NXPH2: variants seen among roughly 807,000 people sequenced by gnomAD.
NXPH2 encodes neurexophilin-2.
In NXPH2, 5 loss-of-function variants were observed where a neutral mutation model predicts 19.8. The ratio of observed to expected loss-of-function variants is 0.25; its 90% CI spans 0.13 to 0.53. The LOEUF (loss-of-function observed/expected upper bound fraction) is 0.53. Among genes scored for constraint, NXPH2 ranks in the 20% least tolerant of loss-of-function variants. The pLI is 0.96. For synonymous variants in NXPH2, 154 were observed against 127.4 expected (o/e 1.21, Z -1.41); for missense variants, 289 against 322.8 (o/e 0.90, Z 0.80).
intron 1 of NXPH2, among the ~76,000 whole-genome samples, chr2:138,763,330 A>G (rs181533545): frequency 1.3e-5 from 2 of 152,298 alleles, no homozygotes; most frequent in East Asian, 1.9e-4. Flanking sequence ...ATATTTTTCT[A>G]TCAAAGAACT....
chr2:138,689,922 A>C (rs1051723340), intron 1 of NXPH2, among the ~76,000 whole-genome samples: 1 of 152,188 alleles, frequency 6.6e-6, no homozygotes, highest in Admixed American at 6.5e-5. Context: ...TGGTGGAACA[A>C]ATGGGCCTGT....
chr2:138,750,442 A>G (rs144518622), intron 1 of NXPH2, among the ~76,000 whole-genome samples: 1 of 152,336 alleles, frequency 6.6e-6, no homozygotes, highest in African/African-American at 2.4e-5. Flanking sequence ...AAAACTCATG[A>G]CATTTTAAGA....
chr2:138,678,072 G>T (rs983457540), intron 1 of NXPH2, among the ~76,000 whole-genome samples: 3 of 152,036 alleles, frequency 2.0e-5, no homozygotes, highest in African/African-American at 7.3e-5. Flanking sequence ...ATTAAATTTG[G>T]TCATCACCAA....
At chr2:138,758,114 C>T (rs1415635562) in intron 1 of NXPH2, among the ~76,000 whole-genome samples, 1 of 152,114 alleles carries the variant, frequency 6.6e-6, no homozygotes, top group Non-Finnish European at 1.5e-5. Context: ...AATCCACAGA[C>T]TAAATCTCAT....
intron 1 of NXPH2, among the ~76,000 whole-genome samples, chr2:138,727,241 GC>G (rs2104997303): frequency 6.6e-6 from 1 of 152,280 alleles, no homozygotes; most frequent in South Asian, 2.1e-4. Flanking sequence ...CTGAATCCAT[GC>G]TCAGGCTTTT....
intron 1 of NXPH2, among the ~76,000 whole-genome samples, chr2:138,762,858 G>T (rs1053944404): frequency 2.6e-5 from 4 of 152,312 alleles, no homozygotes; most frequent in African/African-American, 9.6e-5. Flanking sequence ...GAGAAGAGGA[G>T]CTATTCCATA....
At chr2:138,763,300 CT>C (rs2104840158) in intron 1 of NXPH2, among the ~76,000 whole-genome samples, 1 of 152,166 alleles carries the variant, frequency 6.6e-6, no homozygotes, top group African/African-American at 2.4e-5. Flanking sequence ...AAATTATTGA[CT>C]GCCTAAATTC....
intron 1 of NXPH2, among the ~76,000 whole-genome samples, chr2:138,680,717 T>A (rs1210939560): frequency 6.6e-6 from 1 of 152,156 alleles, no homozygotes; most frequent in Non-Finnish European, 1.5e-5. Context: ...ATTAATATCT[T>A]TATTTGGATG....
At chr2:138,694,281 C>T (rs1173753014) in intron 1 of NXPH2, among the ~76,000 whole-genome samples, 4 of 152,160 alleles carry the variant, frequency 2.6e-5, no homozygotes, top group Admixed American at 1.3e-4. Flanking sequence ...TATTTTGCCT[C>T]GGATTTTTCT....
intron 1 of NXPH2, among the ~76,000 whole-genome samples, chr2:138,760,462 C>G (rs572475106): frequency 3.9e-5 from 6 of 152,236 alleles, no homozygotes; most frequent in Non-Finnish European, 8.8e-5. Context: ...AACCATACCT[C>G]ATCCATTGCA....
chr2:138,705,908 T>C (rs13417270), intron 1 of NXPH2, among the ~76,000 whole-genome samples: 4,892 of 152,294 alleles, frequency 0.032, 274 homozygotes, highest in African/African-American at 0.11. Flanking sequence ...TCAATTCTCA[T>C]AACCATCCTG....
intron 1 of NXPH2, among the ~76,000 whole-genome samples, chr2:138,721,159 G>A (rs1341742204): frequency 3.9e-5 from 6 of 152,082 alleles, no homozygotes; most frequent in African/African-American, 1.4e-4. Context: ...GACCAAAATG[G>A]TGAAACCCCC....
At chr2:138,674,323 T>C (rs1680454885) in intron 1 of NXPH2, among the ~76,000 whole-genome samples, 1 of 152,038 alleles carries the variant, frequency 6.6e-6, no homozygotes, top group Admixed American at 6.5e-5. Flanking sequence ...CTGACTAGTT[T>C]TTGTGTTTTT....
intron 1 of NXPH2, among the ~76,000 whole-genome samples, chr2:138,729,719 C>T (rs1395760819): frequency 6.6e-6 from 1 of 152,210 alleles, no homozygotes; most frequent in African/African-American, 2.4e-5. Flanking sequence ...TTCTGAGCTA[C>T]ATTGGCCTTT....
intron 1 of NXPH2, among the ~76,000 whole-genome samples, chr2:138,779,837 G>T (rs950836689): frequency 9.9e-5 from 15 of 152,244 alleles, no homozygotes; most frequent in Admixed American, 8.5e-4. Flanking sequence ...CAGGAGGAAG[G>T]TCTTTCTGCC....
At chr2:138,718,967 T>G (rs1470199497) in intron 1 of NXPH2, among the ~76,000 whole-genome samples, 1 of 149,730 alleles carries the variant, frequency 6.7e-6, no homozygotes, top group African/African-American at 2.5e-5. Flanking sequence ...AGTTGGGGGG[T>G]GGGGGAGGAA....
At chr2:138,673,941 T>A (rs1680449616) in intron 1 of NXPH2, among the ~76,000 whole-genome samples, 1 of 152,110 alleles carries the variant, frequency 6.6e-6, no homozygotes, top group Non-Finnish European at 1.5e-5. Context: ...AGAATATGTG[T>A]CTGTCTTATT....
intron 1 of NXPH2, among the ~76,000 whole-genome samples, chr2:138,707,112 A>AAAAAAAAAT (rs1253153546): frequency 1.3e-5 from 2 of 148,610 alleles, no homozygotes; most frequent in Non-Finnish European, 3.0e-5. Flanking sequence ...AAAAAAAAAA[A>AAAAAAAAAT]GAGCAAGAAG....
chr2:138,713,516 T>C (rs1301244013), intron 1 of NXPH2, among the ~76,000 whole-genome samples: 4 of 152,124 alleles, frequency 2.6e-5, no homozygotes, highest in African/African-American at 9.7e-5. Flanking sequence ...AAAATGAATA[T>C]AGGAAAGGAA....
Sources: gnomAD v4.1 joint callset for allele counts (sites outside exome capture counted in the v4.1 genomes callset) on GRCh38, gnomAD v4.1.1 for gene constraint, MANE v1.5 for transcripts, NCBI Gene and HGNC (gene_info 2026-07-23, HGNC 2026-07-21) for gene names.